The following TRPM3 variants were observed in gnomAD, a reference collection of about 807,000 sequenced individuals.
The protein encoded by TRPM3 is long transient receptor potential channel 3.
In TRPM3, 77 loss-of-function variants were observed where a neutral mutation model predicts 181.2. That is an observed-to-expected ratio of 0.42 (90% CI 0.35 to 0.51). The LOEUF is 0.51. Ranked by LOEUF, TRPM3 falls within the 20% of genes least tolerant of loss-of-function variation. The pLI is 0.01. For missense variants in TRPM3, 1,759 were observed against 2,196.7 expected (o/e 0.80, Z 3.98); for synonymous variants, 745 against 796.4 (o/e 0.94, Z 1.09).
At chr9:70,753,547 G>A (rs2076548933) in intron 8 of TRPM3, among the ~76,000 whole-genome samples, 1 of 152,138 alleles carries the variant, frequency 6.6e-6, no homozygotes, top group Admixed American at 6.5e-5. Flanking sequence ...ACAGGTGAGG[G>A]AACCCAGATG....
chr9:71,234,779 C>T (rs2081265464), intron 1 of TRPM3, among the ~76,000 whole-genome samples: 1 of 152,140 alleles, frequency 6.6e-6, no homozygotes, highest in Admixed American at 6.5e-5. Flanking sequence ...GAGGAGTGTG[C>T]ACACTTTGGG....
intron 1 of TRPM3, among the ~76,000 whole-genome samples, chr9:71,235,401 T>C (rs759893108): frequency 5.3e-5 from 8 of 152,252 alleles, no homozygotes; most frequent in Non-Finnish European, 8.8e-5. Context: ...CACTAGACCA[T>C]GAGGCCCATG....
At chr9:70,760,518 A>G (rs2077927563) in intron 8 of TRPM3, among the ~76,000 whole-genome samples, 1 of 150,760 alleles carries the variant, frequency 6.6e-6, no homozygotes, top group African/African-American at 2.4e-5. Context: ...GCTTCTATAT[A>G]TGGGGCAGCC....
intron 1 of TRPM3, among the ~76,000 whole-genome samples, chr9:71,008,460 C>A (rs576621176): frequency 6.6e-6 from 1 of 152,228 alleles, no homozygotes; most frequent in African/African-American, 2.4e-5. Flanking sequence ...CACAACAAAA[C>A]CATAAAACTT....
intron 1 of TRPM3, among the ~76,000 whole-genome samples, chr9:70,946,479 A>G (rs2096934840): frequency 6.6e-6 from 1 of 151,866 alleles, no homozygotes; most frequent in African/African-American, 2.4e-5. Flanking sequence ...GCAATATTCT[A>G]GGGTTGTTAT....
chr9:70,538,059 G>T (rs1262597716), intron 25 of TRPM3, among the ~76,000 whole-genome samples: 1 of 152,146 alleles, frequency 6.6e-6, no homozygotes, highest in African/African-American at 2.4e-5. Context: ...ATCCAGGATT[G>T]ATCTAATCTA....
intron 1 of TRPM3, among the ~76,000 whole-genome samples, chr9:71,182,291 G>A (rs777087296): frequency 7.9e-5 from 12 of 152,012 alleles, no homozygotes; most frequent in Non-Finnish European, 1.5e-4. Flanking sequence ...TAATCCACCA[G>A]CCCACATATC....
chr9:71,254,515 G>A (rs1018525583), intron 1 of TRPM3, among the ~76,000 whole-genome samples: 5 of 152,162 alleles, frequency 3.3e-5, no homozygotes, highest in African/African-American at 7.2e-5. Flanking sequence ...ATAAGTATGT[G>A]AGTAATGCAT....
At chr9:70,944,036 G>A (rs1402761757) in intron 1 of TRPM3, among the ~76,000 whole-genome samples, 1 of 152,106 alleles carries the variant, frequency 6.6e-6, no homozygotes, top group Admixed American at 6.6e-5. Flanking sequence ...CCCCACCTTG[G>A]CCTCCCAAAG....
At chr9:70,942,664 A>G (rs1310779431) in intron 1 of TRPM3, among the ~76,000 whole-genome samples, 1 of 152,176 alleles carries the variant, frequency 6.6e-6, no homozygotes, top group Non-Finnish European at 1.5e-5. Context: ...CTTCAAGTTC[A>G]GAAGCAAAGA....
chr9:71,012,848 A>C (rs1358640189), intron 1 of TRPM3, among the ~76,000 whole-genome samples: 2 of 152,004 alleles, frequency 1.3e-5, no homozygotes, highest in African/African-American at 4.8e-5. Flanking sequence ...AGACAATTTT[A>C]TTTCTTTCCA....
intron 1 of TRPM3, among the ~76,000 whole-genome samples, chr9:71,297,182 C>A (rs1050247618): frequency 1.3e-5 from 2 of 151,730 alleles, no homozygotes; most frequent in African/African-American, 4.8e-5. Flanking sequence ...TTAGTAGAGA[C>A]CAGGTTTTCT....
chr9:71,426,813 C>T lies in TRPM3; in HGVS notation c.183+19840G>A, dbSNP rs12002446. Among the ~76,000 whole-genome samples the T allele has an allele frequency of 6.8e-3, 1,033 of 151,640 alleles. 16 individuals carry two copies. Among genetic ancestry groups the T allele is most frequent in the African/African-American group, 0.023 (954 of 41,224 alleles). On this transcript the variant is annotated intron_variant, in intron 1 of 24. Coordinates refer to the TRPM3 transcript ENST00000357533. ...AAAAGTTGTAAAGTACTTACTAAGG[C>T]GTTAAGACCAAAAAAAAAAAATTCA...
chr9:70,643,712 T>C (rs2058409348), intron 9 of TRPM3, among the ~76,000 whole-genome samples: 1 of 152,222 alleles, frequency 6.6e-6, no homozygotes, highest in Non-Finnish European at 1.5e-5. Flanking sequence ...GGCTGTGCAC[T>C]TGGAATTGCC....
intron 1 of TRPM3, among the ~76,000 whole-genome samples, chr9:70,912,197 T>C (rs1199742546): frequency 6.6e-6 from 1 of 152,184 alleles, no homozygotes; most frequent in Non-Finnish European, 1.5e-5. Flanking sequence ...TTTAAAAGGA[T>C]AAATGTAATC....
intron 1 of TRPM3, among the ~76,000 whole-genome samples, chr9:71,169,911 A>T (rs564974596): frequency 9.1e-4 from 136 of 149,968 alleles, no homozygotes; most frequent in African/African-American, 3.2e-3. Flanking sequence ...CTGAGGCAGG[A>T]GAATCCCTGG....
chr9:71,014,790 T>A (rs187464160), intron 1 of TRPM3, among the ~76,000 whole-genome samples: 3,242 of 152,246 alleles, frequency 0.021, 47 homozygotes, highest in Middle Eastern at 0.031. Context: ...AATATGAAAA[T>A]CTTTTTTTCC....
chr9:71,019,453 A>C (rs1310670418), intron 1 of TRPM3, among the ~76,000 whole-genome samples: 1 of 152,228 alleles, frequency 6.6e-6, no homozygotes, highest in South Asian at 2.1e-4. Context: ...TATATCATCA[A>C]TTACTGAGTA....
chr9:70,584,322 G>A (rs976488142), intron 22 of TRPM3, among the ~76,000 whole-genome samples: 2 of 152,086 alleles, frequency 1.3e-5, no homozygotes, highest in Admixed American at 1.3e-4. Context: ...TTGTGGTTCC[G>A]AGGCAATGTC....
Sources: allele counts gnomAD v4.1 joint callset (sites outside exome capture counted in the v4.1 genomes callset), GRCh38; gene constraint gnomAD v4.1.1; transcripts MANE v1.5; gene names NCBI Gene and HGNC (gene_info 2026-07-23, HGNC 2026-07-21).